The following SYT16 variants were observed in gnomAD, a reference collection of about 807,000 sequenced individuals.
The protein encoded by SYT16 is synaptotagmin-16.
SYT16 carries 42 observed loss-of-function variants against 61.4 expected under a neutral mutation model. The ratio of observed to expected loss-of-function variants is 0.68; its 90% confidence interval spans 0.53 to 0.89. The LOEUF is 0.89. Among genes scored for constraint, SYT16 ranks in the 40% least tolerant of loss-of-function variants. The pLI is 0.00. For synonymous variants in SYT16, 314 were observed against 302.3 expected, an observed-to-expected ratio of 1.04 and a Z score of -0.40; for missense variants, 804 against 807.3, an observed-to-expected ratio of 1.00 and a Z score of 0.05.
intron 1 of SYT16, among the ~76,000 whole-genome samples, chr14:61,918,970 C>A (rs192548461): frequency 9.9e-4 from 150 of 152,114 alleles, no homozygotes; most frequent in South Asian, 2.3e-3. Context: ...AAGACTAAAC[C>A]CAACATATGG....
intron 1 of SYT16, among the ~76,000 whole-genome samples, chr14:61,857,267 G>C (rs1277302249): frequency 2.6e-5 from 4 of 152,188 alleles, no homozygotes; most frequent in Admixed American, 1.3e-4. Context: ...TTTCTTGAGA[G>C]TGTTAACTCT....
chr14:62,096,849 CAT>C (rs1476745116), intron 7 of SYT16, among the ~76,000 whole-genome samples: 2 of 152,084 alleles, frequency 1.3e-5, no homozygotes, highest in African/African-American at 2.4e-5. Context: ...ATTAGTAGCA[CAT>C]GTGACAAATT....
chr14:62,019,947 C>T lies in SYT16; in HGVS notation c.523+23405C>T, dbSNP rs1280095019. Among the ~76,000 whole-genome samples, 3 of 152,254 alleles carry T rather than the reference C, an allele frequency of 2.0e-5. No individual in the cohort carries two copies. In the East Asian group the frequency reaches 5.8e-4, roughly 29 times the overall value. On this transcript the variant is annotated intron_variant, in intron 3 of 7. Transcript: ENST00000683842. ...TGCTGCCAGAAGGCCTGGAGATAGG[C>T]GGTAGTCAGAATTAGTCAAGGGAAT...
At chr14:61,859,591 T>C (rs147575469) in intron 1 of SYT16, among the ~76,000 whole-genome samples, 24 of 152,046 alleles carry the variant, frequency 1.6e-4, no homozygotes, top group African/African-American at 5.8e-4. Flanking sequence ...CCTAAAGGTT[T>C]AGGACACAGA....
At chr14:61,919,128 T>C (rs564871848) in intron 1 of SYT16, among the ~76,000 whole-genome samples, 47 of 152,298 alleles carry the variant, frequency 3.1e-4, no homozygotes, top group African/African-American at 1.0e-3. Context: ...CTGCAATACA[T>C]GTGTTCCATT....
At chr14:62,076,935 C>T (rs1046767453) in intron 5 of SYT16, among the ~76,000 whole-genome samples, 4 of 152,172 alleles carry the variant, frequency 2.6e-5, no homozygotes, top group African/African-American at 9.7e-5. Context: ...TCTCAGACTC[C>T]AAAAATACCC....
chr14:61,941,563 G>T (rs2050210916), intron 1 of SYT16, among the ~76,000 whole-genome samples: 1 of 152,158 alleles, frequency 6.6e-6, no homozygotes, highest in Non-Finnish European at 1.5e-5. Flanking sequence ...TCCTCCATGA[G>T]ATAAAGCCTT....
intron 5 of SYT16, among the ~76,000 whole-genome samples, chr14:62,078,072 C>T (rs1466408105): frequency 6.6e-6 from 1 of 151,588 alleles, no homozygotes; most frequent in Non-Finnish European, 1.5e-5. Flanking sequence ...CCAACCCCCA[C>T]CTTCCGTCTT....
intron 3 of SYT16, among the ~76,000 whole-genome samples, chr14:62,050,456 A>C (rs1031870696): frequency 6.6e-6 from 1 of 151,982 alleles, no homozygotes; most frequent in Non-Finnish European, 1.5e-5. Flanking sequence ...TCTTCTGAAG[A>C]CTTCTTCTCT....
At chr14:62,062,488 C>A (rs183505516) in intron 3 of SYT16, among the ~76,000 whole-genome samples, 1 of 152,208 alleles carries the variant, frequency 6.6e-6, no homozygotes, top group Non-Finnish European at 1.5e-5. Flanking sequence ...TCCACGTCTA[C>A]GTTGGCATTG....
chr14:62,035,705 G>A (rs141756225), intron 3 of SYT16, among the ~76,000 whole-genome samples: 2,802 of 152,268 alleles, frequency 0.018, 28 homozygotes, highest in Middle Eastern at 0.051. Context: ...AAAATCCAGA[G>A]CACAAAAGCC....
At chr14:61,832,298 G>C (rs72716755) in intron 1 of SYT16, 1 of 588,450 alleles carries the variant, frequency 1.7e-6, no homozygotes, top group Non-Finnish European at 3.4e-6. Flanking sequence ...CAACATTTCC[G>C]TGTGCTCGTA....
intron 1 of SYT16, among the ~76,000 whole-genome samples, chr14:61,928,169 T>C (rs1037819568): frequency 1.3e-5 from 2 of 151,942 alleles, no homozygotes; most frequent in African/African-American, 4.8e-5. Flanking sequence ...TTCACCTGAG[T>C]GTTATAGAAA....
intron 1 of SYT16, among the ~76,000 whole-genome samples, chr14:61,858,787 TG>T (rs58267630): frequency 0.071 from 10,778 of 152,228 alleles, 783 homozygotes; most frequent in African/African-American, 0.19. Context: ...AGTAAGGTTA[TG>T]GGAGTCCTCG....
chr14:61,926,255 A>AT (rs148572062), intron 1 of SYT16, among the ~76,000 whole-genome samples: 4 of 22,474 alleles, frequency 1.8e-4, no homozygotes, highest in African/African-American at 8.3e-4. Context: ...GCAAAGAGTC[A>AT]AAGAGTATGT....
chr14:61,916,652 T>C (rs1207117944), intron 1 of SYT16, among the ~76,000 whole-genome samples: 1 of 152,158 alleles, frequency 6.6e-6, no homozygotes, highest in Non-Finnish European at 1.5e-5. Flanking sequence ...ATAACTATAG[T>C]CACCCTGCTG....
At chr14:61,859,478 A>AATCCGGC (rs2046899312) in intron 1 of SYT16, among the ~76,000 whole-genome samples, 1 of 151,974 alleles carries the variant, frequency 6.6e-6, no homozygotes, top group African/African-American at 2.4e-5. Context: ...TTTACTATAC[A>AATCCGGC]ATCCGGCACA....
intron 7 of SYT16, among the ~76,000 whole-genome samples, chr14:62,086,685 A>G (rs1382634133): frequency 6.6e-6 from 1 of 152,254 alleles, no homozygotes; most frequent in Non-Finnish European, 1.5e-5. Flanking sequence ...GCTAAAGATG[A>G]AATTCCTGTA....
In SYT16 at chr14:62,079,408, T is replaced by C. The variant is rs758366374; in HGVS notation, c.994-1426T>C. 3.6e-6 allele frequency: 4 copies of C among 1,126,044 alleles called. No homozygotes were observed. In the South Asian group the frequency reaches 5.5e-5, roughly 16 times the overall value. The allele number at this position is 1,126,044 out of a possible 1,614,324, so 69.8% of individuals were successfully genotyped here. A position where few individuals can be genotyped will look rare whatever the true frequency, so the allele number is the denominator to read the frequency against. On this transcript the variant is annotated intron_variant, in intron 5 of 7. Transcript: ENST00000683842. ...ACTGTCTGTCAAGTCCTCTACTTTT[T>C]ACAACATCCCTACACAGAAGGTACC...
Sources: gnomAD v4.1 joint callset for allele counts (sites outside exome capture counted in the v4.1 genomes callset) on GRCh38, gnomAD v4.1.1 for gene constraint, MANE v1.5 for transcripts, NCBI Gene and HGNC (gene_info 2026-07-23, HGNC 2026-07-21) for gene names.